DPP10: variants seen among roughly 807,000 people sequenced by gnomAD.
DPP10 encodes dipeptidyl peptidase like 10, also known as inactive dipeptidyl peptidase 10.
Under a neutral mutation model 120.9 loss-of-function variants are expected in DPP10, and 33 were observed. The observed-to-expected ratio is 0.27, with a 90% CI of 0.21 to 0.37. DPP10 has a LOEUF of 0.37. DPP10 is among the 10% of genes least tolerant of loss of function. The probability of loss-of-function intolerance (pLI) is 1.00; values close to 1 mark genes in which losing one functional copy is unlikely to be tolerated. For missense variants in DPP10, 816 were observed against 942.8 expected, an observed-to-expected ratio of 0.87 and a Z score of 1.76; for synonymous variants, 337 against 326.1, an observed-to-expected ratio of 1.03 and a Z score of -0.36.
At chr2:115,599,234 T>C (rs2083173093) in intron 5 of DPP10, among the ~76,000 whole-genome samples, 1 of 152,138 alleles carries the variant, frequency 6.6e-6, no homozygotes, top group Admixed American at 6.5e-5. Context: ...ATGGTAGTTA[T>C]AGTCATTATT....
chr2:115,701,906 G>T lies in DPP10; in HGVS notation c.576+11985G>T, dbSNP rs148752775. Among the ~76,000 whole-genome samples, 6 of 151,532 alleles carry T rather than the reference G, an allele frequency of 4.0e-5. No homozygotes were observed. The East Asian group carries it at 1.2e-3, about 29-fold the overall frequency. On this transcript the variant is annotated intron_variant, in intron 7 of 25. Transcript: ENST00000410059. ...ATCTTAATATGAAGTGGAACCTTAG[G>T]AATTAACCATTTTCGGTAGGTAAAC...
At chr2:114,473,737 T>C (rs1296185076) in intron 1 of DPP10, among the ~76,000 whole-genome samples, 4 of 152,192 alleles carry the variant, frequency 2.6e-5, no homozygotes, top group Non-Finnish European at 5.9e-5. Flanking sequence ...GGTAACTGTA[T>C]AATATTTTTG....
intron 1 of DPP10, among the ~76,000 whole-genome samples, chr2:114,967,446 A>G (rs1699113106): frequency 1.3e-5 from 2 of 152,166 alleles, no homozygotes; most frequent in African/African-American, 4.8e-5. Flanking sequence ...TCTCAGTGAA[A>G]TTTGAAGCTA....
At chr2:114,757,842 T>C (rs542463331) in intron 1 of DPP10, among the ~76,000 whole-genome samples, 6 of 152,142 alleles carry the variant, frequency 3.9e-5, no homozygotes, top group Admixed American at 2.6e-4. Context: ...ACCGCTGGTG[T>C]AGATAAAAGT....
intron 1 of DPP10, chr2:115,144,101 T>C (rs560942436): frequency 6.6e-6 from 1 of 152,202 alleles, no homozygotes; most frequent in Non-Finnish European, 1.5e-5. Flanking sequence ...GATTTAAACA[T>C]AAATTATTTG....
chr2:114,502,300 G>A (rs568075798), intron 1 of DPP10, among the ~76,000 whole-genome samples: 1 of 143,066 alleles, frequency 7.0e-6, no homozygotes, highest in South Asian at 2.1e-4. Flanking sequence ...ACGTGAGAGA[G>A]AAAGTTTTTA....
chr2:114,657,259 GTCA>G (rs1178902872), intron 1 of DPP10, among the ~76,000 whole-genome samples: 3 of 151,984 alleles, frequency 2.0e-5, no homozygotes, highest in Non-Finnish European at 4.4e-5. Flanking sequence ...TTCTCCTGTA[GTCA>G]TCATCAGACA....
intron 11 of DPP10, among the ~76,000 whole-genome samples, chr2:115,762,268 G>T (rs973668607): frequency 1.3e-5 from 2 of 152,146 alleles, no homozygotes; most frequent in Admixed American, 6.5e-5. Flanking sequence ...GTGTCTGGTG[G>T]TTCAAAACAG....
At chr2:114,832,604 T>A (rs544815658) in intron 1 of DPP10, among the ~76,000 whole-genome samples, 1 of 152,386 alleles carries the variant, frequency 6.6e-6, no homozygotes, top group African/African-American at 2.4e-5. Context: ...TTTGGATTGC[T>A]GTAAAATATT....
At chr2:114,827,649 G>A (rs1686684551) in intron 1 of DPP10, among the ~76,000 whole-genome samples, 1 of 152,122 alleles carries the variant, frequency 6.6e-6, no homozygotes, top group South Asian at 2.1e-4. Context: ...ATGCATGTGT[G>A]TGTGCATGTA....
intron 1 of DPP10, among the ~76,000 whole-genome samples, chr2:114,915,697 A>T (rs559666695): frequency 2.6e-4 from 39 of 152,328 alleles, no homozygotes; most frequent in Admixed American, 4.6e-4. Flanking sequence ...ATCTCTCAAA[A>T]CCATATAATT....
intron 2 of DPP10, among the ~76,000 whole-genome samples, chr2:115,329,459 T>C (rs1022002858): frequency 6.6e-6 from 1 of 152,134 alleles, no homozygotes; most frequent in East Asian, 1.9e-4. Context: ...TTATTTTATT[T>C]AAGTTCTAGG....
At chr2:114,595,938 A>G (rs1691871065) in intron 1 of DPP10, among the ~76,000 whole-genome samples, 1 of 152,118 alleles carries the variant, frequency 6.6e-6, no homozygotes, top group South Asian at 2.1e-4. Flanking sequence ...GTAATCCCAC[A>G]GTGGTTTGCC....
rs1453182021 is a variant in DPP10 at position 115,662,863 on chromosome 2, G to GA, written c.442-26822dup. ...TAGAATGATGTATGTAATATATATA[G>GA]AAGTCAAGAAATTCTAGCTTAGGTC... is the stretch of plus-strand genomic sequence containing the variant. On this transcript the variant is annotated intron_variant, in intron 5 of 25. Transcript: ENST00000410059. Among the ~76,000 whole-genome samples, 5 of 152,260 alleles carry GA rather than the reference G, an allele frequency of 3.3e-5. No homozygotes were observed. The South Asian group carries it at 8.3e-4, about 25-fold the overall frequency.
At chr2:114,905,808 A>G (rs964263891) in intron 1 of DPP10, among the ~76,000 whole-genome samples, 71 of 152,256 alleles carry the variant, frequency 4.7e-4, no homozygotes, top group African/African-American at 1.6e-3. Context: ...TCAATCTCCC[A>G]AAGTGTTGGG....
intron 1 of DPP10, among the ~76,000 whole-genome samples, chr2:114,699,200 C>T (rs1700242748): frequency 6.6e-6 from 1 of 152,040 alleles, no homozygotes; most frequent in Non-Finnish European, 1.5e-5. Context: ...ATGCTATATA[C>T]ATCTTGGAGG....
At chr2:115,521,288 A>G (rs966961385) in intron 4 of DPP10, among the ~76,000 whole-genome samples, 3 of 152,208 alleles carry the variant, frequency 2.0e-5, no homozygotes, top group Admixed American at 1.3e-4. Flanking sequence ...TTTAGAGGGC[A>G]TGGATTTACG....
rs149817567 is a variant in DPP10 at position 115,083,717 on chromosome 2, A to T, written c.61-225522A>T. Among the ~76,000 whole-genome samples the T allele has an allele frequency of 1.3e-3, 193 of 152,346 alleles. 1 individual carries two copies. Among genetic ancestry groups the T allele is most frequent in the Non-Finnish European group, 2.1e-3 (145 of 68,038 alleles). ...TGCTACAGTGAATTTGGCAAATAAT[A>T]AACATATTTGCTACCACAATTTTTG... On this transcript the variant is annotated intron_variant, in intron 1 of 25. Transcript: ENST00000410059.
chr2:115,158,238 A>G (rs140546180), intron 1 of DPP10, among the ~76,000 whole-genome samples: 13 of 152,356 alleles, frequency 8.5e-5, no homozygotes, highest in African/African-American at 2.9e-4. Context: ...CCAAAACACT[A>G]TAACGATAAT....
Sources: gnomAD v4.1 joint callset for allele counts (sites outside exome capture counted in the v4.1 genomes callset) on GRCh38, gnomAD v4.1.1 for gene constraint, MANE v1.5 for transcripts, NCBI Gene and HGNC (gene_info 2026-07-23, HGNC 2026-07-21) for gene names.